SIMC1: variants seen among roughly 807,000 people sequenced by gnomAD.
SIMC1 encodes the protein SUMO interacting motifs containing 1.
A neutral mutation model predicts 82.3 loss-of-function variants in SIMC1; 55 were observed. The ratio of observed to expected loss-of-function variants is 0.67; its 90% CI spans 0.54 to 0.84. The LOEUF is 0.84. Ranked by LOEUF, SIMC1 falls within the 40% of genes least tolerant of loss-of-function variation. SIMC1 has a pLI of 0.00. For synonymous variants in SIMC1, 353 were observed against 426.3 expected, an observed-to-expected ratio of 0.83 and a Z score of 2.12; for missense variants, 915 against 1,107.2, an observed-to-expected ratio of 0.83 and a Z score of 2.46.
Position 176,294,822 on chromosome 5 carries a change from G to A in SIMC1, c.1432-208G>A, listed in dbSNP as rs1763732582. On this transcript the variant is annotated intron_variant, in intron 2 of 9. Coordinates refer to ENST00000429602, the MANE Select transcript of SIMC1 (RefSeq NM_001308195.2). ...CTAAAAATACAAAAGAAAATTAGCC[G>A]GGCGTGGTGGTGGGCGCCTGTAGTC... 131 of 519,814 alleles carry A rather than the reference G, an allele frequency of 2.5e-4. 2 individuals carry two copies. The South Asian group carries it at 2.9e-3, about 11-fold the overall frequency. The allele number at this position is 519,814 out of a possible 1,614,324, so 32.2% of individuals were successfully genotyped here.
intron 1 of SIMC1, among the ~76,000 whole-genome samples, chr5:176,246,673 C>A (rs1484565592): frequency 6.6e-6 from 1 of 151,896 alleles, no homozygotes; most frequent in African/African-American, 2.4e-5. Context: ...AGGTTTGTTA[C>A]ATAGGTATAC....
At chr5:176,288,850 C>T (rs1378828584) in intron 1 of SIMC1, among the ~76,000 whole-genome samples, 1 of 152,150 alleles carries the variant, frequency 6.6e-6, no homozygotes, top group Non-Finnish European at 1.5e-5. Flanking sequence ...TTTTTCCAGG[C>T]TCATGGTACA....
At chr5:176,325,939 G>T (rs1001431215) in intron 7 of SIMC1, among the ~76,000 whole-genome samples, 1 of 152,128 alleles carries the variant, frequency 6.6e-6, no homozygotes, top group African/African-American at 2.4e-5. Flanking sequence ...CTCTAAACAT[G>T]AATTAGTGAA....
chr5:176,292,512 T>C (rs573614084), intron 2 of SIMC1, among the ~76,000 whole-genome samples: 1 of 152,284 alleles, frequency 6.6e-6, no homozygotes, highest in Non-Finnish European at 1.5e-5. Context: ...GTAGGTCTTC[T>C]CCTTCTTTAT....
chr5:176,313,809 T>G lies in SIMC1; in HGVS notation c.1853T>G (p.Met618Arg). Residue 618 changes from methionine to arginine, a missense_variant, in exon 5 of 10, where the codon ATG becomes AGG. Around this residue, in one of 2 missense-constraint regions of SIMC1, gnomAD observed 902 missense variants for 1,040.3 expected, o/e 0.87. Coordinates refer to ENST00000429602, the MANE Select transcript of SIMC1 (RefSeq NM_001308195.2). ...CACCTGCAGCAATCCATTGCAAACA[T>G]GGTGCTTTCCTGTGACAAGCAGCCC... is the stretch of plus-strand genomic sequence containing the variant. Reference protein sequence around the residue: ...RQHLQQSIANMVLSCDKQPHN... With the variant: ...RQHLQQSIANRVLSCDKQPHN... 1 of 1,613,834 alleles carries G rather than the reference T, an allele frequency of 6.2e-7. No individual in the cohort carries two copies. Among genetic ancestry groups the G allele is most frequent in the Non-Finnish European group, 8.5e-7 (1 of 1,179,856 alleles).
At chr5:176,265,516 AGT>A (rs548868775) in intron 1 of SIMC1, among the ~76,000 whole-genome samples, 79 of 152,314 alleles carry the variant, frequency 5.2e-4, no homozygotes, top group Non-Finnish European at 9.0e-4. Context: ...CCAAAAGAAA[AGT>A]GTTCTGGTTT....
At chr5:176,320,336 TTTATTTATTTA>T (rs1561721692) in intron 5 of SIMC1, among the ~76,000 whole-genome samples, 3 of 10,798 alleles carry the variant, frequency 2.8e-4, no homozygotes, top group Non-Finnish European at 2.5e-3. Flanking sequence ...TCCTATTTTA[TTTATTTATTTA>T]TTTATTTATT....
In SIMC1 at chr5:176,295,204, G is replaced by A. The variant is rs746601950; in HGVS notation, c.1606G>A (p.Gly536Ser). Reference sequence around the variant, plus strand: ...CATCATCCAGAAAATCTTGCTCAGTGGCTCTGAGACTGTGGATGTCCTAAA... The same window carrying A: ...CATCATCCAGAAAATCTTGCTCAGTAGCTCTGAGACTGTGGATGTCCTAAA... ...AHIIQKILLS[G>S]SETVDVLKEA... Residue 536 changes from glycine to serine, a missense_variant, in exon 3 of 10, where the codon GGC becomes AGC. Coordinates refer to ENST00000429602, the MANE Select transcript of SIMC1 (RefSeq NM_001308195.2). 41 of 1,613,296 alleles carry A rather than the reference G, an allele frequency of 2.5e-5. No individual in the cohort carries two copies. The highest frequency in any genetic ancestry group is 6.7e-5 in the East Asian group (3 of 44,866).
chr5:176,297,907 A>G (rs1406235092), intron 4 of SIMC1, among the ~76,000 whole-genome samples: 5 of 152,204 alleles, frequency 3.3e-5, no homozygotes, highest in Non-Finnish European at 5.9e-5. Flanking sequence ...TGAAGTCCCA[A>G]GATTACAATG....
intron 1 of SIMC1, among the ~76,000 whole-genome samples, chr5:176,285,526 A>G (rs1253464951): frequency 6.6e-6 from 1 of 152,196 alleles, no homozygotes; most frequent in African/African-American, 2.4e-5. Flanking sequence ...CCCACAGCCA[A>G]TATCATACTG....
chr5:176,316,313 A>G (rs1764902694), intron 5 of SIMC1, among the ~76,000 whole-genome samples: 1 of 152,080 alleles, frequency 6.6e-6, no homozygotes. Flanking sequence ...AGTTGCTTTC[A>G]TTTTCACCTC....
intron 1 of SIMC1, among the ~76,000 whole-genome samples, chr5:176,256,232 G>A (rs1761847927): frequency 6.6e-6 from 1 of 152,116 alleles, no homozygotes; most frequent in African/African-American, 2.4e-5. Flanking sequence ...GTTATTAAAA[G>A]CAGATCAATA....
At chr5:176,267,923 A>AT (rs575325280) in intron 1 of SIMC1, among the ~76,000 whole-genome samples, 2 of 149,624 alleles carry the variant, frequency 1.3e-5, no homozygotes, top group African/African-American at 4.9e-5. Context: ...CGCCAGCCAG[A>AT]TTTTTTTGTA....
rs765695917 is a variant in SIMC1, at chr5:176,290,142, A to T, written c.618A>T (p.Pro206=). 5 of 1,607,510 alleles carry T rather than the reference A, an allele frequency of 3.1e-6. No homozygotes were observed. Among genetic ancestry groups the T allele is most frequent in the Non-Finnish European group, 4.2e-6 (5 of 1,176,866 alleles). The change falls in exon 2 of 10, where the codon CCA becomes CCT. Residue 206 remains proline (P), a synonymous_variant. Coordinates refer to ENST00000429602, the MANE Select transcript of SIMC1 (RefSeq NM_001308195.2). Reference sequence around the variant, plus strand: ...GCAGCAATCAAAAAGCACCCTTGCCATGCCCACAGCAAGATGTATCTCGCC... The same window carrying T: ...GCAGCAATCAAAAAGCACCCTTGCCTTGCCCACAGCAAGATGTATCTCGCC... The part of the protein sequence containing the change: ...SSSSNQKAPL[P]CPQQDVSRPP...
At chr5:176,344,473 AC>A (rs1434588315) in intron 9 of SIMC1, among the ~76,000 whole-genome samples, 4 of 61,962 alleles carry the variant, frequency 6.5e-5, no homozygotes, top group African/African-American at 5.5e-4. Flanking sequence ...GAGTATACAC[AC>A]ACACACACAC....
At chr5:176,328,200 C>G (rs1470953825) in intron 7 of SIMC1, among the ~76,000 whole-genome samples, 2 of 151,986 alleles carry the variant, frequency 1.3e-5, no homozygotes, top group Non-Finnish European at 2.9e-5. Context: ...CCAGGCCCAG[C>G]CTTATGAACT....
intron 1 of SIMC1, among the ~76,000 whole-genome samples, chr5:176,284,558 C>T (rs957711089): frequency 1.3e-5 from 2 of 152,038 alleles, no homozygotes; most frequent in Admixed American, 6.6e-5. Flanking sequence ...ACTAAATGCC[C>T]GCAAGAGAAA....
chr5:176,252,170 G>A (rs1169528389), intron 1 of SIMC1, among the ~76,000 whole-genome samples: 10 of 151,484 alleles, frequency 6.6e-5, no homozygotes, highest in Admixed American at 1.3e-4. Flanking sequence ...GGGCAGAGGC[G>A]CCCCTCACCT....
chr5:176,254,281 G>A (rs1363124376), intron 1 of SIMC1, among the ~76,000 whole-genome samples: 1 of 152,134 alleles, frequency 6.6e-6, no homozygotes, highest in Admixed American at 6.5e-5. Context: ...AGTGAAAAAG[G>A]TAGGATTAAG....
Sources: gnomAD v4.1 joint callset for allele counts (sites outside exome capture counted in the v4.1 genomes callset) on GRCh38, gnomAD v4.1.1 for gene constraint, gnomAD v4.1.1 regional missense constraint, MANE v1.5 for transcripts, NCBI Gene and HGNC (gene_info 2026-07-23, HGNC 2026-07-21) for gene names.